Variants in SNX29 observed in about 807,000 individuals in gnomAD.
The protein encoded by SNX29 is sorting nexin-29.
A neutral mutation model predicts 102.1 loss-of-function variants in SNX29; 78 were observed. The ratio of observed to expected loss-of-function variants is 0.76; its 90% CI spans 0.64 to 0.92. SNX29 has a LOEUF of 0.92. SNX29 is among the 40% of genes least tolerant of loss of function. The pLI is 0.00. For missense variants in SNX29, 1,280 were observed against 1,061.7 expected (o/e 1.21, Z -2.86); for synonymous variants, 580 against 414.5 (o/e 1.40, Z -4.85).
At chr16:12,214,824 C>A (rs1473219958) in intron 14 of SNX29, among the ~76,000 whole-genome samples, 1 of 152,170 alleles carries the variant, frequency 6.6e-6, no homozygotes, top group Non-Finnish European at 1.5e-5. Flanking sequence ...TCCCTGCCAT[C>A]ATTTTTGCTA....
In SNX29 at chr16:12,204,685, C is replaced by T. The variant is rs1044414301; in HGVS notation, c.1678+5002C>T. ...TTGACAGATGAGGGAGGCTTGGGAGCAATTTAAAAAGTTTGTTCTCAGAAA... is the reference window on the plus strand; with the variant it reads ...TTGACAGATGAGGGAGGCTTGGGAGTAATTTAAAAAGTTTGTTCTCAGAAA... On this transcript the variant is annotated intron_variant, in intron 14 of 20. Coordinates refer to ENST00000566228, the MANE Select transcript of SNX29 (RefSeq NM_032167.5). Among the ~76,000 whole-genome samples, 8 of 152,284 alleles carry T rather than the reference C, an allele frequency of 5.3e-5. No individual in the cohort carries two copies. In the South Asian group the frequency reaches 1.5e-3, roughly 28 times the overall value.
intron 13 of SNX29, among the ~76,000 whole-genome samples, chr16:12,170,244 A>G (rs2076114919): frequency 6.6e-6 from 1 of 152,082 alleles, no homozygotes; most frequent in Non-Finnish European, 1.5e-5. Flanking sequence ...CATGGAGAAC[A>G]CATGGTGTGA....
chr16:12,539,631 A>C (rs368318444), intron 20 of SNX29, among the ~76,000 whole-genome samples: 38 of 152,326 alleles, frequency 2.5e-4, no homozygotes, highest in African/African-American at 8.9e-4. Flanking sequence ...TCCTATGCTA[A>C]ATGTAAGAAA....
At chr16:12,186,402 T>C (rs924062270) in intron 13 of SNX29, among the ~76,000 whole-genome samples, 1 of 152,178 alleles carries the variant, frequency 6.6e-6, no homozygotes, top group Admixed American at 6.5e-5. Flanking sequence ...TTTCCTGATC[T>C]ATTTAAGAAT....
chr16:12,450,170 G>C (rs1202598740), intron 18 of SNX29, among the ~76,000 whole-genome samples: 1 of 152,196 alleles, frequency 6.6e-6, no homozygotes, highest in Non-Finnish European at 1.5e-5. Flanking sequence ...AGAACTGTGA[G>C]TCCATTAAAC....
chr16:12,449,831 A>G (rs112243052), intron 18 of SNX29, among the ~76,000 whole-genome samples: 6,832 of 152,212 alleles, frequency 0.045, 507 homozygotes, highest in African/African-American at 0.16. Flanking sequence ...TGGTGGTGAC[A>G]GGGGCAGACA....
intron 14 of SNX29, among the ~76,000 whole-genome samples, chr16:12,238,379 A>G (rs542783740): frequency 6.7e-6 from 1 of 148,606 alleles, no homozygotes; most frequent in Admixed American, 6.8e-5. Flanking sequence ...TCGCTTGACC[A>G]CCCAGGCATG....
chr16:11,985,472 G>C (rs2055578043), intron 1 of SNX29, among the ~76,000 whole-genome samples: 2 of 152,194 alleles, frequency 1.3e-5, no homozygotes, highest in Non-Finnish European at 2.9e-5. Context: ...AGCTTAGCTG[G>C]ATCCACGTGT....
chr16:12,565,092 C>A (rs376864612), intron 20 of SNX29, among the ~76,000 whole-genome samples: 1 of 152,068 alleles, frequency 6.6e-6, no homozygotes, highest in Non-Finnish European at 1.5e-5. Flanking sequence ...ATGGGGTCGT[C>A]TTCTCTTCTG....
intron 18 of SNX29, among the ~76,000 whole-genome samples, chr16:12,448,746 G>T (rs2086173247): frequency 6.6e-6 from 1 of 152,176 alleles, no homozygotes; most frequent in Non-Finnish European, 1.5e-5. Context: ...TCCCTGAAGT[G>T]TCTGGCTCAT....
intron 20 of SNX29, among the ~76,000 whole-genome samples, chr16:12,566,718 A>T (rs1390723229): frequency 6.6e-6 from 1 of 152,198 alleles, no homozygotes; most frequent in Non-Finnish European, 1.5e-5. Context: ...TCCTTTGAAG[A>T]GAGGATCATG....
intron 20 of SNX29, among the ~76,000 whole-genome samples, chr16:12,566,433 C>G (rs112407046): frequency 2.7e-4 from 38 of 142,000 alleles, no homozygotes; most frequent in African/African-American, 9.8e-4. Context: ...GCCTCTCCCC[C>G]CAAGCTCTGG....
rs1041827285 is a variant in SNX29, at chr16:12,098,430, G to T, written c.1402+19515G>T. Among the ~76,000 whole-genome samples the T allele has an allele frequency of 3.9e-5, 6 of 152,142 alleles. No individual in the cohort carries two copies. Among genetic ancestry groups the T allele is most frequent in the African/African-American group, 1.4e-4 (6 of 41,436 alleles). ...ACGTCGCTGCCCAGTTGAATAGGGG[G>T]TTGGGCATACTGGAGCTCCCACTTG... On this transcript the variant is annotated intron_variant, in intron 11 of 20. Coordinates refer to ENST00000566228, the MANE Select transcript of SNX29 (RefSeq NM_032167.5). This position sits in a 1 kb window ranked among gnomAD's most constrained non-coding sequence, Gnocchi z 6.0.
intron 20 of SNX29, among the ~76,000 whole-genome samples, chr16:12,551,959 G>C (rs571138187): frequency 5.5e-4 from 84 of 152,304 alleles, no homozygotes; most frequent in African/African-American, 1.7e-3. Flanking sequence ...TCCCCAGCCA[G>C]GCTGTGCCCA....
chr16:12,557,801 CTATCA>C (rs1376060404), intron 20 of SNX29: 2 of 152,212 alleles, frequency 1.3e-5, no homozygotes, highest in Non-Finnish European at 2.9e-5. Context: ...TACAGGATCA[CTATCA>C]TATCTGCAGT....
At chr16:12,538,084 C>G (rs916355816) in intron 20 of SNX29, among the ~76,000 whole-genome samples, 1 of 140,568 alleles carries the variant, frequency 7.1e-6, no homozygotes, top group African/African-American at 2.5e-5. Flanking sequence ...TCTCAGTGGG[C>G]TAAGCAAATT....
At chr16:12,532,977 G>C (rs750399969) in intron 20 of SNX29, among the ~76,000 whole-genome samples, 7 of 152,226 alleles carry the variant, frequency 4.6e-5, no homozygotes, top group African/African-American at 7.2e-5. Flanking sequence ...GGCGCAGCAC[G>C]GCTGTGGTGG....
At chr16:12,242,076 G>C (rs895698082) in intron 14 of SNX29, among the ~76,000 whole-genome samples, 2 of 152,080 alleles carry the variant, frequency 1.3e-5, no homozygotes, top group Admixed American at 1.3e-4. Flanking sequence ...AGTCAGGCCT[G>C]GGGTAAAGTC....
At chr16:12,340,172 T>A (rs1211824358) in intron 15 of SNX29, among the ~76,000 whole-genome samples, 2 of 152,248 alleles carry the variant, frequency 1.3e-5, no homozygotes, top group Non-Finnish European at 2.9e-5. Context: ...CATCGTCATC[T>A]TCTCCATCCT....
Sources: gnomAD v4.1 joint callset for allele counts (sites outside exome capture counted in the v4.1 genomes callset) on GRCh38, gnomAD v4.1.1 for gene constraint, Gnocchi (gnomAD v3.1) non-coding constraint, MANE v1.5 for transcripts, NCBI Gene and HGNC (gene_info 2026-07-23, HGNC 2026-07-21) for gene names.